Variants in AGTPBP1 observed in about 807,000 individuals in gnomAD.
AGTPBP1 encodes the protein cytosolic carboxypeptidase 1.
A neutral mutation model predicts 143.9 loss-of-function variants in AGTPBP1; 70 were observed. That is an observed-to-expected ratio of 0.49 (90% CI 0.40 to 0.59). AGTPBP1 has a LOEUF of 0.59. Among genes scored for constraint, AGTPBP1 ranks in the 20% least tolerant of loss-of-function variants. The probability of loss-of-function intolerance (pLI) is 0.00; values close to 1 mark genes in which losing one functional copy is unlikely to be tolerated. For missense variants in AGTPBP1, 1,229 were observed against 1,464.5 expected, an observed-to-expected ratio of 0.84 and a Z score of 2.62; for synonymous variants, 463 against 500.2, an observed-to-expected ratio of 0.93 and a Z score of 0.99.
At position 85,550,180 on chromosome 9, in the gene AGTPBP1, A is replaced by AGT. The variant is rs35611324; in HGVS notation, c.3504-2896_3504-2895dup. ...ACACAAGTGTGTACAAGAGTTTGTG[A>AGT]GTGTGTGTGTGTGTGAGAGAGAGAG... is the stretch of plus-strand genomic sequence containing the variant. On this transcript the variant is annotated intron_variant, in intron 25 of 25. Transcript: ENST00000357081. 1.7e-4 allele frequency among the ~76,000 whole-genome samples: 26 copies of AGT among 149,614 alleles called. No homozygotes were observed. In the East Asian group the frequency reaches 1.8e-3, roughly 10 times the overall value.
intron 17 of AGTPBP1, among the ~76,000 whole-genome samples, chr9:85,600,558 G>A (rs1353142960): frequency 6.6e-6 from 1 of 152,018 alleles, no homozygotes; most frequent in South Asian, 2.1e-4. Flanking sequence ...ACTTGGCCAG[G>A]AGACCAGGGA....
intron 1 of AGTPBP1, among the ~76,000 whole-genome samples, chr9:85,722,604 G>A (rs970075931): frequency 1.3e-5 from 2 of 152,102 alleles, no homozygotes; most frequent in Non-Finnish European, 2.9e-5. Context: ...GCTACCTTGC[G>A]ATGGGTTAGA....
At chr9:85,751,143 CT>C in the AGTPBP1 span, among the ~76,000 whole-genome samples, 2 of 152,182 alleles carry the variant, frequency 1.3e-5, no homozygotes, top group African/African-American at 4.8e-5. Context: ...TATCATCCCC[CT>C]TTCTGGACCA....
At chr9:85,782,734 C>T in the AGTPBP1 span, among the ~76,000 whole-genome samples, 4 of 152,010 alleles carry the variant, frequency 2.6e-5, no homozygotes, top group Admixed American at 2.6e-4. Context: ...TTCAGTATTC[C>T]AAGATAAAAG....
intron 13 of AGTPBP1, among the ~76,000 whole-genome samples, chr9:85,635,262 C>CA (rs947933251): frequency 1.5e-4 from 23 of 151,902 alleles, no homozygotes; most frequent in African/African-American, 5.6e-4. Flanking sequence ...TTATGGAGTC[C>CA]AAATTAAGAA....
intron 25 of AGTPBP1, among the ~76,000 whole-genome samples, chr9:85,555,634 C>T (rs994730224): frequency 2.0e-5 from 3 of 152,090 alleles, no homozygotes; most frequent in African/African-American, 4.8e-5. Flanking sequence ...TCAACATAAA[C>T]AATGGAAGCT....
At chr9:85,730,429 G>C (rs903024522) in intron 1 of AGTPBP1, among the ~76,000 whole-genome samples, 2 of 152,168 alleles carry the variant, frequency 1.3e-5, no homozygotes, top group Non-Finnish European at 2.9e-5. Context: ...GGGCTTCCTA[G>C]TTCCAGGGCA....
At chr9:85,803,853 TTTGTAA>T in the AGTPBP1 span, among the ~76,000 whole-genome samples, 1 of 152,222 alleles carries the variant, frequency 6.6e-6, no homozygotes, top group Non-Finnish European at 1.5e-5. Flanking sequence ...TCTCCTTTCC[TTTGTAA>T]TTGTCTCTTT....
chr9:85,765,319 A>G, the AGTPBP1 span, among the ~76,000 whole-genome samples: 2 of 152,310 alleles, frequency 1.3e-5, no homozygotes, highest in Non-Finnish European at 1.5e-5. Flanking sequence ...AATTTATTAC[A>G]TACAAGAGAT....
At position 85,741,803 on chromosome 9, in the gene AGTPBP1, C is replaced by T; in HGVS notation, c.-62G>A. On this transcript the variant is annotated 5_prime_UTR_variant, in exon 1 of 26. Transcript: ENST00000357081. ...CTCAGGATGGGGCGCTGGCGGGGAC[C>T]GCGCAGAGCCGCAGCACCCGGCTCA... 1 of 1,365,894 alleles carries T rather than the reference C, an allele frequency of 7.3e-7. No individual in the cohort carries two copies. The highest frequency in any genetic ancestry group is 1.7e-5 in the South Asian group (1 of 59,074). The allele number at this position is 1,365,894 out of a possible 1,614,324, so 84.6% of individuals were successfully genotyped here.
chr9:85,598,082 T>C (rs1829413371), intron 17 of AGTPBP1, among the ~76,000 whole-genome samples: 1 of 152,176 alleles, frequency 6.6e-6, no homozygotes, highest in African/African-American at 2.4e-5. Flanking sequence ...TATGGCAGCA[T>C]TAATAAACAT....
At position 85,665,148 on chromosome 9, in the gene AGTPBP1, T is replaced by C. The variant is rs188296786; in HGVS notation, c.663-4175A>G. 9.5e-4 allele frequency among the ~76,000 whole-genome samples: 144 copies of C among 152,274 alleles called. 1 individual carries two copies. The highest frequency in any genetic ancestry group is 5.8e-3 in the Admixed American group (88 of 15,284). On this transcript the variant is annotated intron_variant, in intron 8 of 25. Coordinates refer to ENST00000357081, the MANE Select transcript of AGTPBP1 (RefSeq NM_001330701.2). ...AATATGACCTTATTGGAAAACATGG[T>C]CATTGCAGATGTAACTAGTTAAGGC...
At chr9:85,678,092 C>T (rs1834946538) in intron 5 of AGTPBP1, among the ~76,000 whole-genome samples, 1 of 152,122 alleles carries the variant, frequency 6.6e-6, no homozygotes, top group Non-Finnish European at 1.5e-5. Flanking sequence ...AAAGGGTAAA[C>T]ACAAATCACG....
intron 3 of AGTPBP1, among the ~76,000 whole-genome samples, chr9:85,689,614 G>A (rs1334248398): frequency 6.6e-6 from 1 of 151,668 alleles, no homozygotes; most frequent in Non-Finnish European, 1.5e-5. Flanking sequence ...ATATTTCTTG[G>A]CCGGGCACAG....
At chr9:85,657,380 C>T in intron 10 of AGTPBP1, 55 bp downstream of exon 10, 2 of 1,447,428 alleles carry the variant, frequency 1.4e-6, no homozygotes, top group Non-Finnish European at 1.9e-6. Flanking sequence ...GTTTTCTTAA[C>T]AACCAAATCA....
the AGTPBP1 span, among the ~76,000 whole-genome samples, chr9:85,791,823 A>C: frequency 0.054 from 8,149 of 151,294 alleles, 714 homozygotes; most frequent in African/African-American, 0.18. Flanking sequence ...TTTACTATTC[A>C]CTCAGGATAT....
In AGTPBP1 at chr9:85,678,394, G is replaced by T. The variant is rs1187515030; in HGVS notation, c.230C>A (p.Thr77Lys). 6.3e-7 allele frequency: 1 copy of T among 1,574,870 alleles called. No individual in the cohort carries two copies. Among genetic ancestry groups the T allele is most frequent in the African/African-American group, 1.4e-5 (1 of 74,050 alleles). ...MEILLSTLENTKDLQTTLNIL... is the reference protein window; with the variant it reads ...MEILLSTLENKKDLQTTLNIL... The stretch of plus-strand genomic sequence containing the variant: ...ATTAAGTGTAGTTTGAAGATCTTTT[G>T]TGTTCTGAAATAAATAGTTTGTTTT... The change falls in exon 5 of 26, where the codon ACA becomes AAA. Residue 77 changes from threonine (T) to lysine (K), a missense_variant. Physicochemically the swap from Thr to Lys is moderately conservative, Grantham distance 78. This residue lies in a region of AGTPBP1 where 743 missense variants were observed against 812.2 expected (regional missense o/e 0.91). Transcript: ENST00000357081.
intron 2 of AGTPBP1, among the ~76,000 whole-genome samples, chr9:85,705,333 CAGA>C (rs2134407871): frequency 6.6e-6 from 1 of 151,060 alleles, no homozygotes; most frequent in South Asian, 2.1e-4. Flanking sequence ...AGGCTATACA[CAGA>C]AGAACTAAGA....
chr9:85,569,951 C>CT (rs1465205305), intron 25 of AGTPBP1, among the ~76,000 whole-genome samples: 5 of 152,178 alleles, frequency 3.3e-5, no homozygotes, highest in African/African-American at 7.2e-5. Flanking sequence ...TTTCTTCAGC[C>CT]TTAACTTTTC....
Sources: gnomAD v4.1 joint callset for allele counts (sites outside exome capture counted in the v4.1 genomes callset) on GRCh38, gnomAD v4.1.1 for gene constraint, gnomAD v4.1.1 regional missense constraint, MANE v1.5 for transcripts, NCBI Gene and HGNC (gene_info 2026-07-23, HGNC 2026-07-21) for gene names.